The following ACADM variants were observed in gnomAD, a reference collection of about 807,000 sequenced individuals.
ACADM encodes acyl-CoA dehydrogenase medium chain.
ACADM carries 49 observed loss-of-function variants against 58.9 expected under a neutral mutation model. That is an observed-to-expected ratio of 0.83 (90% CI 0.66 to 1.06). ACADM has a LOEUF of 1.06. Among genes scored for constraint, ACADM ranks in the 50% least tolerant of loss-of-function variants. The probability of loss-of-function intolerance (pLI) is 0.00; values close to 1 mark genes in which losing one functional copy is unlikely to be tolerated. For missense variants in ACADM, 496 were observed against 507.0 expected, an observed-to-expected ratio of 0.98 and a Z score of 0.21; for synonymous variants, 160 against 157.7, an observed-to-expected ratio of 1.01 and a Z score of -0.11.
rs2100389477 is a variant in ACADM at position 75,739,991 on chromosome 1, A to C, written c.480A>C (p.Val160=). The change falls in exon 7 of 12, where the codon GTA becomes GTC. Residue 160 remains valine, a synonymous_variant. Coordinates refer to ENST00000370841, the MANE Select transcript of ACADM (RefSeq NM_000016.6). ...TEEPLMCAYC[V]TEPGAGSDVA... ...TTTATATATTCAAGGCTTATTGTGT[A>C]ACAGAACCTGGAGCAGGCTCTGATG... The C allele has an allele frequency of 6.2e-7, 1 of 1,611,636 alleles. No homozygotes were observed. Among genetic ancestry groups the C allele is most frequent in the South Asian group, 1.1e-5 (1 of 90,758 alleles).
At chr1:75,752,471 C>T (rs1305853322) in intron 10 of ACADM, among the ~76,000 whole-genome samples, 1 of 152,206 alleles carries the variant, frequency 6.6e-6, no homozygotes, top group African/African-American at 2.4e-5. Flanking sequence ...TGGATTAGCA[C>T]TGCTCTGTGT....
At chr1:75,730,255 TTC>T (rs1647127368) in intron 2 of ACADM, among the ~76,000 whole-genome samples, 1 of 152,112 alleles carries the variant, frequency 6.6e-6, no homozygotes, top group Non-Finnish European at 1.5e-5. Context: ...CACTTTAAAT[TTC>T]TCTCTCAGTA....
chr1:75,733,307 C>A, intron 4 of ACADM: 1 of 1,159,532 alleles, frequency 8.6e-7, no homozygotes, highest in Non-Finnish European at 1.2e-6. Context: ...AACAGGAATA[C>A]AGGTTCAAAT....
chr1:75,738,602 T>C (rs1315884462), intron 6 of ACADM, among the ~76,000 whole-genome samples: 1 of 152,148 alleles, frequency 6.6e-6, no homozygotes, highest in Non-Finnish European at 1.5e-5. Flanking sequence ...TCTTTCTTTT[T>C]TGTTGTATAT....
At chr1:75,755,985 TA>T (rs1397953093) in intron 10 of ACADM, among the ~76,000 whole-genome samples, 1 of 152,162 alleles carries the variant, frequency 6.6e-6, no homozygotes, top group Non-Finnish European at 1.5e-5. Flanking sequence ...ATTATCTCAA[TA>T]GATGCAGAAA....
chr1:75,735,011 C>A, intron 6 of ACADM, 140 bp downstream of exon 6: 1 of 718,336 alleles, frequency 1.4e-6, no homozygotes, highest in Non-Finnish European at 2.4e-6. Flanking sequence ...AATGATGTGT[C>A]AAGGATGCCA....
rs759305231 is a variant in ACADM at position 75,733,612 on chromosome 1, A to G, written c.371A>G (p.Glu124Gly). The G allele has an allele frequency of 6.2e-7, 1 of 1,613,670 alleles. No homozygotes were observed. The highest frequency in any genetic ancestry group is 8.5e-7 in the Non-Finnish European group (1 of 1,179,616). ...TGTACAGGGGTTCAGACTGCTATTGAAGGAAATTCTTTGGGGGTAAGTGAC... is the reference window on the plus strand; with the variant it reads ...TGTACAGGGGTTCAGACTGCTATTGGAGGAAATTCTTTGGGGGTAAGTGAC... ...YGCTGVQTAI[E>G]GNSLGQMPII... Residue 124 changes from glutamate to glycine, a missense_variant, in exon 5 of 12, where the codon GAA (glutamate) becomes GGA (glycine). Glu to Gly is a moderately conservative substitution (Grantham distance 98). Coordinates refer to ENST00000370841, the MANE Select transcript of ACADM (RefSeq NM_000016.6).
intron 7 of ACADM, among the ~76,000 whole-genome samples, chr1:75,742,642 T>A (rs940082643): frequency 2.0e-5 from 3 of 152,148 alleles, no homozygotes; most frequent in Admixed American, 6.5e-5. Context: ...GGTGCTAGAA[T>A]GAGGCCCAGC....
At chr1:75,758,774 T>C (rs1040430751) in intron 10 of ACADM, among the ~76,000 whole-genome samples, 1 of 152,104 alleles carries the variant, frequency 6.6e-6, no homozygotes, top group African/African-American at 2.4e-5. Flanking sequence ...AGCTAAAGGA[T>C]TGTAAATGCA....
At chr1:75,728,545 TTTTGTTTGGA>T in intron 2 of ACADM, 57 bp downstream of exon 2, 1 of 44 alleles carries the variant, frequency 0.023, no homozygotes, top group Non-Finnish European at 0.028. Context: ...GCTTTATATG[TTTTGTTTGGA>T]ATATGTTTGT....
chr1:75,728,588 C>T, intron 2 of ACADM, 100 bp downstream of exon 2: 2 of 871,996 alleles, frequency 2.3e-6, no homozygotes, highest in East Asian at 2.6e-5. Context: ...TAATGTCTTT[C>T]AATGAGTAGA....
Position 75,762,794 on chromosome 1 carries a change from G to T in ACADM, c.*31G>T, listed in dbSNP as rs773920543. The T allele has an allele frequency of 1.5e-6, 2 of 1,345,744 alleles. No homozygotes were observed. The highest frequency in any genetic ancestry group is 1.7e-5 in the Admixed American group (1 of 57,782). The allele number at this position is 1,345,744 out of a possible 1,614,324, so 83.4% of individuals were successfully genotyped here. A position where few individuals can be genotyped will look rare whatever the true frequency, so the allele number is the denominator to read the frequency against. Reference sequence around the variant, plus strand: ...TTACTGTAGAAATATTGAATAACTAGAACACAAGCCACTGTTTCAGCTCCA... The same window carrying T: ...TTACTGTAGAAATATTGAATAACTATAACACAAGCCACTGTTTCAGCTCCA... On this transcript the variant is annotated 3_prime_UTR_variant, in exon 12 of 12. Transcript: ENST00000370841.
chr1:75,737,204 A>T (rs1570870887), intron 6 of ACADM, among the ~76,000 whole-genome samples: 1 of 145,698 alleles, frequency 6.9e-6, no homozygotes, highest in Non-Finnish European at 1.5e-5. Flanking sequence ...AAGCCAAGGC[A>T]GGAGGATCGC....
Position 75,744,612 on chromosome 1 carries a change from G to A in ACADM, c.600-1194G>A, listed in dbSNP as rs1367134127. 9 of 1,126,442 alleles carry A rather than the reference G, an allele frequency of 8.0e-6. No individual in the cohort carries two copies. In the Admixed American group the frequency reaches 1.5e-4, roughly 19 times the overall value. 69.8% of individuals were successfully genotyped at this position (1,126,442 alleles called of 1,614,324 possible). A position where few individuals can be genotyped will look rare whatever the true frequency, so the allele number is the denominator to read the frequency against. On this transcript the variant is annotated intron_variant, in intron 7 of 11. Transcript: ENST00000370841. ...TTGTAGTTCTGAAGAAGCGAACACT[G>A]AAGACACTGTTGTTAATGACAACCT...
chr1:75,724,835 G>C lies in ACADM; in HGVS notation c.30+18G>C, dbSNP rs762704029. 2.0e-6 allele frequency: 3 copies of C among 1,470,940 alleles called. No homozygotes were observed. The highest frequency in any genetic ancestry group is 1.5e-5 in the African/African-American group (1 of 68,622). 91.1% of individuals were successfully genotyped at this position (1,470,940 alleles called of 1,614,324 possible). Reference sequence around the variant, plus strand: ...GCTGCAGGGTGAGAGGGAGCCCAGCGGTGCGGTGGGGCTGGAACATGGGTA... The same window carrying C: ...GCTGCAGGGTGAGAGGGAGCCCAGCCGTGCGGTGGGGCTGGAACATGGGTA... On this transcript the variant is annotated intron_variant, in intron 1 of 11. Coordinates refer to ENST00000370841, the MANE Select transcript of ACADM (RefSeq NM_000016.6).
At chr1:75,734,392 G>A (rs568907943) in intron 5 of ACADM, among the ~76,000 whole-genome samples, 2 of 150,698 alleles carry the variant, frequency 1.3e-5, no homozygotes, top group South Asian at 2.1e-4. Context: ...GGCCAGGATG[G>A]TCTCTATCTC....
chr1:75,734,264 C>T (rs933237170), intron 5 of ACADM, among the ~76,000 whole-genome samples: 8 of 150,396 alleles, frequency 5.3e-5, no homozygotes, highest in Non-Finnish European at 1.2e-4. Context: ...CCCAGGTTCA[C>T]GCCATTCTCC....
intron 7 of ACADM, chr1:75,744,781 G>A (rs1228197083): frequency 6.3e-6 from 4 of 631,020 alleles, no homozygotes; most frequent in South Asian, 1.7e-5. Context: ...GCATCACGGC[G>A]GCCGGGTCTC....
chr1:75,750,964 G>T (rs61799967), intron 10 of ACADM: 2 of 269,402 alleles, frequency 7.4e-6, no homozygotes, highest in African/African-American at 2.2e-5. Flanking sequence ...GGCCAGGCTG[G>T]TCTCGATCTG....
Sources: allele counts gnomAD v4.1 joint callset (sites outside exome capture counted in the v4.1 genomes callset), GRCh38; gene constraint gnomAD v4.1.1; transcripts MANE v1.5; gene names NCBI Gene and HGNC (gene_info 2026-07-23, HGNC 2026-07-21).